The following RBMS1 variants were observed in gnomAD, a reference collection of about 807,000 sequenced individuals.
RBMS1 encodes RNA binding motif single stranded interacting protein 1, also known as RNA-binding motif, single-stranded-interacting protein 1.
RBMS1 carries 17 observed loss-of-function variants against 62.3 expected under a neutral mutation model. The observed-to-expected ratio is 0.27, with a 90% CI of 0.19 to 0.41. RBMS1 has a LOEUF of 0.41. RBMS1 is among the 10% of genes least tolerant of loss of function. RBMS1 has a pLI of 1.00. For missense variants in RBMS1, 334 were observed against 504.5 expected (o/e 0.66, Z 3.24); for synonymous variants, 172 against 170.0 (o/e 1.01, Z -0.09).
chr2:160,301,801 TC>T, intron 5 of RBMS1, among the ~76,000 whole-genome samples: 1 of 152,214 alleles, frequency 6.6e-6, no homozygotes, highest in African/African-American at 2.4e-5. Context: ...ATGGAAAAGT[TC>T]CCTTTTTTGT....
Position 160,410,662 on chromosome 2 carries a change from A to G in RBMS1, c.76-43271T>C, listed in dbSNP as rs186027763. ...CTTTGAAACAAATATGTTCTAACAC[A>G]TAGAAAGTAAGAAAACAGTCCAGAG... On this transcript the variant is annotated intron_variant, in intron 1 of 13. Coordinates refer to ENST00000348849, the MANE Select transcript of RBMS1 (RefSeq NM_016836.4). Among the ~76,000 whole-genome samples the G allele has an allele frequency of 2.0e-5, 3 of 152,380 alleles. 1 individual carries two copies. The highest frequency in any genetic ancestry group is 2.0e-4 in the Admixed American group (3 of 15,306).
intron 2 of RBMS1, among the ~76,000 whole-genome samples, chr2:160,337,666 G>T (rs1691651807): frequency 6.6e-6 from 1 of 151,976 alleles, no homozygotes; most frequent in Admixed American, 6.6e-5. Flanking sequence ...AAACTGGGGG[G>T]GAGGGGAACC....
intron 1 of RBMS1, among the ~76,000 whole-genome samples, chr2:160,407,310 G>A (rs888014278): frequency 4.1e-4 from 63 of 152,088 alleles, no homozygotes; most frequent in Non-Finnish European, 7.1e-4. Context: ...CCCCTGCTCA[G>A]GTCGCCGGCC....
intron 1 of RBMS1, among the ~76,000 whole-genome samples, chr2:160,433,730 A>G (rs976831927): frequency 4.6e-5 from 7 of 152,326 alleles, no homozygotes; most frequent in African/African-American, 1.7e-4. Context: ...GGCTTTGGAG[A>G]CTGTTCTTTT....
chr2:160,414,396 A>T (rs943099822), intron 1 of RBMS1, among the ~76,000 whole-genome samples: 1 of 152,002 alleles, frequency 6.6e-6, no homozygotes, highest in African/African-American at 2.4e-5. Flanking sequence ...GATGGCTGAG[A>T]TGGTGGTTAG....
intron 1 of RBMS1, among the ~76,000 whole-genome samples, chr2:160,376,457 A>ACT (rs1297629054): frequency 6.6e-6 from 1 of 152,132 alleles, no homozygotes; most frequent in Non-Finnish European, 1.5e-5. Context: ...TATAAACATC[A>ACT]CTGAGAAAAT....
At chr2:160,294,167 A>C (rs2105943985) in intron 6 of RBMS1, among the ~76,000 whole-genome samples, 1 of 152,360 alleles carries the variant, frequency 6.6e-6, no homozygotes, top group East Asian at 1.9e-4. Flanking sequence ...GAAAGACAGA[A>C]GGAAAGGCCA....
At chr2:160,484,392 T>C (rs796731503) in intron 1 of RBMS1, among the ~76,000 whole-genome samples, 1 of 141,166 alleles carries the variant, frequency 7.1e-6, no homozygotes. Context: ...CTACTCGGGA[T>C]GCTGAGGCAG....
chr2:160,302,314 C>T (rs1559346503), intron 5 of RBMS1, among the ~76,000 whole-genome samples: 4 of 151,882 alleles, frequency 2.6e-5, no homozygotes, highest in Admixed American at 1.3e-4. Flanking sequence ...TCTGCCTCAG[C>T]TTCCCCTGCA....
At chr2:160,274,936 C>T (rs533424186) in intron 13 of RBMS1, among the ~76,000 whole-genome samples, 172 bp from the exon 14 acceptor site, 2 of 152,268 alleles carry the variant, frequency 1.3e-5, no homozygotes, top group South Asian at 2.1e-4. Context: ...CTTTCAATGC[C>T]TGTCACATCC....
rs150205840 is a variant in RBMS1, at chr2:160,332,058, G to A, written c.252-13831C>T. ...AGAGTGATAAAAGATGGTGGTTGTT[G>A]GAGTTTGTGTTCTTTTTGACTCTAT... On this transcript the variant is annotated intron_variant, in intron 2 of 13. Coordinates refer to ENST00000348849, the MANE Select transcript of RBMS1 (RefSeq NM_016836.4). Among the ~76,000 whole-genome samples, 1,207 of 152,206 alleles carry A rather than the reference G, an allele frequency of 7.9e-3. 13 individuals are homozygous for A. The highest frequency in any genetic ancestry group is 0.026 in the African/African-American group (1,095 of 41,528).
At chr2:160,314,368 G>T (rs965625012) in intron 3 of RBMS1, among the ~76,000 whole-genome samples, 1 of 152,066 alleles carries the variant, frequency 6.6e-6, no homozygotes, top group Non-Finnish European at 1.5e-5. Context: ...AAATGAATAA[G>T]AATACTTTGC....
intron 1 of RBMS1, among the ~76,000 whole-genome samples, chr2:160,416,938 G>T (rs78900823): frequency 0.015 from 2,275 of 152,208 alleles, 73 homozygotes; most frequent in African/African-American, 0.052. Flanking sequence ...TCTATAGATT[G>T]TATAGTGCTT....
chr2:160,296,924 T>A (rs1320268074), intron 6 of RBMS1, among the ~76,000 whole-genome samples: 1 of 152,130 alleles, frequency 6.6e-6, no homozygotes, highest in Non-Finnish European at 1.5e-5. Context: ...GCCTGAGTAT[T>A]TGGGATAAAT....
intron 1 of RBMS1, among the ~76,000 whole-genome samples, chr2:160,483,264 G>A (rs911534348): frequency 3.9e-5 from 6 of 151,950 alleles, no homozygotes; most frequent in Admixed American, 6.5e-5. Flanking sequence ...AGAAAAAATG[G>A]TTATAAGTAA....
intron 1 of RBMS1, among the ~76,000 whole-genome samples, chr2:160,395,883 G>A (rs1366054964): frequency 6.6e-6 from 1 of 152,034 alleles, no homozygotes; most frequent in Admixed American, 6.5e-5. Context: ...GATTATAACC[G>A]TAGGCTTTCC....
chr2:160,405,340 A>C (rs570593677), intron 1 of RBMS1, among the ~76,000 whole-genome samples: 2 of 152,072 alleles, frequency 1.3e-5, no homozygotes, highest in East Asian at 3.9e-4. Context: ...ACTGCATCAT[A>C]TACCTAAAAT....
chr2:160,360,944 T>C (rs1693095987), intron 2 of RBMS1, among the ~76,000 whole-genome samples: 1 of 152,198 alleles, frequency 6.6e-6, no homozygotes, highest in Non-Finnish European at 1.5e-5. Context: ...AATAAATATG[T>C]ATTGAATATT....
intron 2 of RBMS1, among the ~76,000 whole-genome samples, chr2:160,357,230 C>T (rs1048151661): frequency 1.3e-5 from 2 of 152,006 alleles, no homozygotes; most frequent in Non-Finnish European, 2.9e-5. Context: ...TAAAAAAATT[C>T]TTATGGTTAT....
Sources: gnomAD v4.1 joint callset for allele counts (sites outside exome capture counted in the v4.1 genomes callset) on GRCh38, gnomAD v4.1.1 for gene constraint, MANE v1.5 for transcripts, NCBI Gene and HGNC (gene_info 2026-07-23, HGNC 2026-07-21) for gene names.